Variants in UPF2 observed in about 807,000 individuals in gnomAD.
UPF2 encodes regulator of nonsense transcripts 2.
UPF2 carries 17 observed loss-of-function variants against 141.4 expected under a neutral mutation model. The ratio of observed to expected loss-of-function variants is 0.12; its 90% CI spans 0.08 to 0.18. The LOEUF is 0.18. Ranked by LOEUF, UPF2 falls within the 10% of genes least tolerant of loss-of-function variation. The pLI, the probability that UPF2 is intolerant of heterozygous loss-of-function variation, is 1.00. For synonymous variants in UPF2, 540 were observed against 498.0 expected (o/e 1.08, Z -1.12); for missense variants, 1,152 against 1,515.9 (o/e 0.76, Z 3.99).
intron 15 of UPF2, among the ~76,000 whole-genome samples, chr10:11,948,731 A>G (rs1158931262): frequency 6.6e-6 from 1 of 152,236 alleles, no homozygotes; most frequent in African/African-American, 2.4e-5. Flanking sequence ...GCGAGAAAAA[A>G]TAAGTGTATG....
chr10:11,956,204 G>C lies in UPF2; in HGVS notation c.2574+116C>G. 2 of 976,298 alleles carry C rather than the reference G, an allele frequency of 2.0e-6. No homozygotes were observed. The highest frequency in any genetic ancestry group is 3.1e-6 in the Non-Finnish European group (2 of 652,924). 60.5% of individuals were successfully genotyped at this position (976,298 alleles called of 1,614,324 possible). ...GGAAATTCTTATAAAATGATTATCA[G>C]CTTTTTCTAACTAATAAATTTACAG... On this transcript the variant is annotated intron_variant, in intron 13 of 21. Coordinates refer to ENST00000357604, the MANE Select transcript of UPF2 (RefSeq NM_015542.4). This position sits in a 1 kb window ranked among gnomAD's most constrained non-coding sequence, Gnocchi z 4.2.
At chr10:12,032,119 C>T (rs1834534816) in intron 2 of UPF2, among the ~76,000 whole-genome samples, 1 of 151,922 alleles carries the variant, frequency 6.6e-6, no homozygotes, top group African/African-American at 2.4e-5. Context: ...CATGGAGAAA[C>T]ACTGTCTCTA....
chr10:11,987,677 A>G lies in UPF2; in HGVS notation c.1845-8512T>C, dbSNP rs181725210. 9.2e-3 allele frequency among the ~76,000 whole-genome samples: 1,342 copies of G among 146,424 alleles called. 13 individuals carry two copies. The highest frequency in any genetic ancestry group is 0.017 in the South Asian group (77 of 4,582). On this transcript the variant is annotated intron_variant, in intron 8 of 21. Coordinates refer to ENST00000357604, the MANE Select transcript of UPF2 (RefSeq NM_015542.4). ...CTAGGGAGGCTGAGGCGGGAGAATCACTTAAGCCCAGGAGACAGAGGTTGC... is the reference window on the plus strand; with the variant it reads ...CTAGGGAGGCTGAGGCGGGAGAATCGCTTAAGCCCAGGAGACAGAGGTTGC...
chr10:11,968,155 G>T (rs563143579), intron 9 of UPF2, among the ~76,000 whole-genome samples: 1 of 152,002 alleles, frequency 6.6e-6, no homozygotes, highest in African/African-American at 2.4e-5. Context: ...CTCCAGCCTG[G>T]GTGACAAGAG....
chr10:11,967,546 G>GTTT (rs755905255), intron 9 of UPF2, 92 bp from the exon 10 acceptor site: 4,401 of 241,296 alleles, frequency 0.018, no homozygotes, highest in South Asian at 0.04. Context: ...ATTCACTCCA[G>GTTT]TTTTTTTTTT....
intron 10 of UPF2, among the ~76,000 whole-genome samples, chr10:11,964,417 T>C (rs916623710): frequency 3.3e-5 from 5 of 152,242 alleles, no homozygotes; most frequent in Admixed American, 6.5e-5. Flanking sequence ...ACAGCAGACA[T>C]TTTCTCAATG....
Position 11,928,992 on chromosome 10 carries a change from T to A in UPF2, c.3809+873A>T, listed in dbSNP as rs1293990207. 2.0e-5 allele frequency among the ~76,000 whole-genome samples: 3 copies of A among 151,976 alleles called. No individual in the cohort carries two copies. The East Asian group carries it at 5.9e-4, about 30-fold the overall frequency. On this transcript the variant is annotated intron_variant, in intron 21 of 21. Transcript: ENST00000357604. ...GGTGAAACCCTGTCTCTACTAAAAATACAAAAATTAGCCAGATGCGGTGGC... is the reference window on the plus strand; with the variant it reads ...GGTGAAACCCTGTCTCTACTAAAAAAACAAAAATTAGCCAGATGCGGTGGC...
Position 12,014,324 on chromosome 10 carries a change from G to T in UPF2, c.1146-140C>A, listed in dbSNP as rs556782171. 34 of 847,942 alleles carry T rather than the reference G, an allele frequency of 4.0e-5. No individual in the cohort carries two copies. In the East Asian group the frequency reaches 8.4e-4, roughly 21 times the overall value. The allele number at this position is 847,942 out of a possible 1,614,324, so 52.5% of individuals were successfully genotyped here. A position where few individuals can be genotyped will look rare whatever the true frequency, so the allele number is the denominator to read the frequency against. On this transcript the variant is annotated intron_variant, in intron 3 of 21. Coordinates refer to ENST00000357604, the MANE Select transcript of UPF2 (RefSeq NM_015542.4). This position sits in a 1 kb window ranked among gnomAD's most constrained non-coding sequence, Gnocchi z 5.0. ...CATTTTTATTTAACATTTGAATCTAGTATTTTCAAAATGTATCTGAAATGT... is the reference window on the plus strand; with the variant it reads ...CATTTTTATTTAACATTTGAATCTATTATTTTCAAAATGTATCTGAAATGT...
chr10:11,989,890 C>T (rs193152427), intron 8 of UPF2, among the ~76,000 whole-genome samples: 65 of 152,258 alleles, frequency 4.3e-4, no homozygotes, highest in African/African-American at 1.5e-3. Context: ...GGGAGCCCAC[C>T]AAACCCAGAG....
In UPF2 at chr10:11,936,431, C is replaced by T. The variant is rs1832851787; in HGVS notation, c.3546+114G>A. 9.3e-7 allele frequency: 1 copy of T among 1,078,634 alleles called. No individual in the cohort carries two copies. 66.8% of individuals were successfully genotyped at this position (1,078,634 alleles called of 1,614,324 possible). ...CTATATAAGGGAAGAAATTATTCTA[C>T]CACTGAATGGTTTAAAACTGTCCAA... On this transcript the variant is annotated intron_variant, in intron 19 of 21. Transcript: ENST00000357604. This position sits in a 1 kb window ranked among gnomAD's most constrained non-coding sequence, Gnocchi z 6.6.
At chr10:12,020,493 C>T (rs116851077) in intron 3 of UPF2, among the ~76,000 whole-genome samples, 7,966 of 152,140 alleles carry the variant, frequency 0.052, 282 homozygotes, top group Non-Finnish European at 0.08. Flanking sequence ...TCAGGTGATC[C>T]GCCAGCCTCA....
intron 7 of UPF2, among the ~76,000 whole-genome samples, chr10:11,999,512 C>CAAAAAAA (rs1325502291): frequency 2.0e-5 from 2 of 100,372 alleles, no homozygotes; most frequent in Non-Finnish European, 3.7e-5. Flanking sequence ...GACTCCATCT[C>CAAAAAAA]AAAAAAAAAA....
intron 6 of UPF2, among the ~76,000 whole-genome samples, 154 bp from the exon 7 acceptor site, chr10:12,000,163 TTAGG>T (rs1432993288): frequency 9.2e-5 from 14 of 152,258 alleles, no homozygotes; most frequent in African/African-American, 3.1e-4. Flanking sequence ...CCTAGAAAGT[TTAGG>T]TAACTCTAGA....
At position 12,029,456 on chromosome 10, in the gene UPF2, C is replaced by T. The variant is rs1383567109; in HGVS notation, c.434G>A (p.Arg145His). Residue 145 changes from arginine to histidine, a missense_variant, in exon 3 of 22, where the codon CGT becomes CAT. By Grantham distance (29) the Arg-to-His change is conservative (BLOSUM62 0). This residue lies in a region of UPF2 where 739 missense variants were observed against 1,032.2 expected (regional missense o/e 0.72). Transcript: ENST00000357604. ...WERHHLRKEL[R>H]SKNQNAPDSR... ...GTCCGGAGCATTTTGGTTTTTGCTA[C>T]GAAGTTCCTTTCTTAAATGATGTCG... is the stretch of plus-strand genomic sequence containing the variant. The T allele has an allele frequency of 1.6e-5, 25 of 1,612,800 alleles. No homozygotes were observed. The highest frequency in any genetic ancestry group is 2.7e-5 in the African/African-American group (2 of 74,816).
rs1833159191 is a variant in UPF2, at chr10:11,956,828, T to C, written c.2371-305A>G. Among the ~76,000 whole-genome samples the C allele has an allele frequency of 6.6e-6, 1 of 151,962 alleles. No homozygotes were observed. The highest frequency in any genetic ancestry group is 6.6e-5 in the Admixed American group (1 of 15,244). On this transcript the variant is annotated intron_variant, in intron 12 of 21. Transcript: ENST00000357604. The surrounding 1 kb of genome is among the most constrained non-coding windows in gnomAD (Gnocchi z 4.2). The stretch of plus-strand genomic sequence containing the variant: ...CAATCAGGAGTTTGGAGTAGGTTTC[T>C]TTTTCCCCCCCAGACACAGTCTCAC...
At chr10:11,928,263 G>T (rs1406483625) in intron 21 of UPF2, among the ~76,000 whole-genome samples, 1 of 152,046 alleles carries the variant, frequency 6.6e-6, no homozygotes, top group Non-Finnish European at 1.5e-5. Context: ...CTTGAACCCG[G>T]GAGGTAGAGG....
At chr10:12,004,379 T>C in intron 5 of UPF2, 151 bp downstream of exon 5, 2 of 588,552 alleles carry the variant, frequency 3.4e-6, no homozygotes, top group Non-Finnish European at 5.7e-6. Flanking sequence ...GCTCCATCAT[T>C]CCATATAATT....
intron 3 of UPF2, among the ~76,000 whole-genome samples, chr10:12,023,843 T>A (rs1442175200): frequency 6.6e-6 from 1 of 151,346 alleles, no homozygotes; most frequent in Non-Finnish European, 1.5e-5. Context: ...ATACAAAAAA[T>A]TAGACAAGTG....
intron 21 of UPF2, among the ~76,000 whole-genome samples, chr10:11,925,199 ACC>A (rs1832696860): frequency 1.3e-5 from 2 of 152,182 alleles, no homozygotes; most frequent in Non-Finnish European, 2.9e-5. Flanking sequence ...TTGTTCATCT[ACC>A]ATGTTTATCG....
Sources: allele counts gnomAD v4.1 joint callset (sites outside exome capture counted in the v4.1 genomes callset), GRCh38; gene constraint gnomAD v4.1.1; regional missense constraint gnomAD v4.1.1; non-coding constraint Gnocchi (gnomAD v3.1); transcripts MANE v1.5; gene names NCBI Gene and HGNC (gene_info 2026-07-23, HGNC 2026-07-21).